ACACA: variants seen among roughly 807,000 people sequenced by gnomAD.
ACACA encodes acetyl-CoA carboxylase 1.
In ACACA, 103 loss-of-function variants were observed where a neutral mutation model predicts 296.1. The ratio of observed to expected loss-of-function variants is 0.35; its 90% CI spans 0.30 to 0.41. The LOEUF is 0.41. Among genes scored for constraint, ACACA ranks in the 10% least tolerant of loss-of-function variants. ACACA has a pLI of 1.00. For missense variants in ACACA, 1,554 were observed against 2,989.7 expected (o/e 0.52, Z 11.20); for synonymous variants, 953 against 1,038.6 (o/e 0.92, Z 1.58).
chr17:37,143,188 C>T (rs750470051), intron 45 of ACACA, among the ~76,000 whole-genome samples: 1 of 150,700 alleles, frequency 6.6e-6, no homozygotes, highest in Non-Finnish European at 1.5e-5. Flanking sequence ...TGGCTCTAGC[C>T]TCTCCATGCT....
intron 14 of ACACA, among the ~76,000 whole-genome samples, chr17:37,254,971 C>T (rs1407486562): frequency 6.6e-6 from 1 of 151,692 alleles, no homozygotes; most frequent in African/African-American, 2.4e-5. Context: ...CATGGTGGCA[C>T]GTGCCTGTAA....
chr17:37,400,190 G>C (rs987929156), intron 1 of ACACA, among the ~76,000 whole-genome samples: 7 of 152,058 alleles, frequency 4.6e-5, no homozygotes, highest in African/African-American at 1.7e-4. Flanking sequence ...TGCAATCTTG[G>C]CTCACTGCAA....
intron 1 of ACACA, among the ~76,000 whole-genome samples, chr17:37,405,832 G>A (rs539024571): frequency 4.0e-5 from 6 of 148,292 alleles, no homozygotes; most frequent in African/African-American, 1.0e-4. Flanking sequence ...AATTACAGGC[G>A]TGAGCCACCG....
chr17:37,253,009 C>G lies in ACACA; in HGVS notation c.1854G>C (p.Leu618=), dbSNP rs529041691. ...ISNMVVALKE[L]SIRGDFRTTV... is the part of the protein sequence containing the mutation. ...TAGTTCGAAAGTCACCCCGAATAGA[C>G]AGCTCCTTCAAAGCCACCACCATGT... is the stretch of plus-strand genomic sequence containing the variant. Residue 618 remains leucine, a synonymous_variant, in exon 15 of 56, where the codon CTG becomes CTC. Coordinates refer to ENST00000616317, the MANE Select transcript of ACACA (RefSeq NM_198834.3). 11 of 1,614,198 alleles carry G rather than the reference C, an allele frequency of 6.8e-6. No homozygotes were observed. In the South Asian group the frequency reaches 9.9e-5, roughly 14 times the overall value.
intron 1 of ACACA, among the ~76,000 whole-genome samples, chr17:37,348,483 T>C (rs573966204): frequency 6.6e-6 from 1 of 152,218 alleles, no homozygotes; most frequent in East Asian, 1.9e-4. Flanking sequence ...CTTTCAGACT[T>C]ATCAGAAATA....
rs1289503073 is a variant in ACACA, at chr17:37,161,873, C to T, written c.5257G>A (p.Val1753Ile). Residue 1753 changes from valine (V) to isoleucine (I), a missense_variant, in exon 42 of 56, where the codon GTA becomes ATA. Physicochemically the swap from Val to Ile is conservative, Grantham distance 29. Around this residue, in one of 16 missense-constraint regions of ACACA, gnomAD observed 553 missense variants for 1,043.6 expected, o/e 0.53. Coordinates refer to ENST00000616317, the MANE Select transcript of ACACA (RefSeq NM_198834.3). ...ATTCTTGCTCCACTGTTGGCTGATA[C>T]ATAGATGCGTGGAATACCTTCTGCC... is the stretch of plus-strand genomic sequence containing the variant. ...ARAEGIPRIY[V>I]SANSGARIGL... is the part of the protein sequence containing the mutation. The T allele has an allele frequency of 6.2e-7, 1 of 1,614,184 alleles. No homozygotes were observed. The highest frequency in any genetic ancestry group is 1.7e-5 in the Admixed American group (1 of 60,020).
chr17:37,213,018 G>A (rs1048492938), intron 29 of ACACA, among the ~76,000 whole-genome samples: 2 of 151,732 alleles, frequency 1.3e-5, no homozygotes, highest in South Asian at 2.1e-4. Context: ...TACTCATCAC[G>A]CAAAAATAGT....
At chr17:37,326,648 C>T (rs999537611) in intron 3 of ACACA, among the ~76,000 whole-genome samples, 1 of 151,314 alleles carries the variant, frequency 6.6e-6, no homozygotes, top group South Asian at 2.1e-4. Context: ...CTGGCCAACA[C>T]GGTGAAACCC....
chr17:37,252,523 A>C (rs964329457), intron 15 of ACACA, among the ~76,000 whole-genome samples: 2 of 152,230 alleles, frequency 1.3e-5, no homozygotes, highest in African/African-American at 4.8e-5. Context: ...GCATAGCCCC[A>C]GGAATTAAGG....
intron 3 of ACACA, among the ~76,000 whole-genome samples, chr17:37,319,681 T>A (rs770543627): frequency 6.6e-5 from 10 of 151,782 alleles, no homozygotes; most frequent in Non-Finnish European, 1.2e-4. Context: ...GGCCAGGCGC[T>A]GTGGCTCACG....
chr17:37,158,625 G>A (rs369139452), intron 42 of ACACA, among the ~76,000 whole-genome samples: 6 of 152,096 alleles, frequency 3.9e-5, no homozygotes, highest in African/African-American at 1.4e-4. Context: ...GTGAGACCCT[G>A]TCTCAAAAAA....
chr17:37,240,606 A>C (rs770520238), intron 23 of ACACA, 42 bp from the exon 24 acceptor site: 1 of 1,554,040 alleles, frequency 6.4e-7, no homozygotes, highest in Non-Finnish European at 8.8e-7. Context: ...CTGACAATCC[A>C]ACACTATTAA....
intron 41 of ACACA, among the ~76,000 whole-genome samples, chr17:37,173,129 T>C (rs573179993): frequency 6.6e-6 from 1 of 152,280 alleles, no homozygotes; most frequent in South Asian, 2.1e-4. Flanking sequence ...AAAAATCTAA[T>C]GTTAAATATT....
At chr17:37,141,390 C>G in intron 45 of ACACA, 1 of 328,354 alleles carries the variant, frequency 3.0e-6, no homozygotes, top group Non-Finnish European at 5.9e-6. Flanking sequence ...GCCAAAGGTT[C>G]CACGGTTCCC....
At position 37,252,090 on chromosome 17, in the gene ACACA, T is replaced by A. The variant is rs1567885966; in HGVS notation, c.1996A>T (p.Met666Leu). ...EKVQAERPDT[M>L]LGVVCGALHV... ...AGGGCACCACACACAACCCCCAACA[T>A]GGTGTCAGGTCGCTCAGCCTGAAAG... The change falls in exon 16 of 56, where the codon ATG becomes TTG. Residue 666 changes from methionine to leucine, a missense_variant. Around this residue, in one of 16 missense-constraint regions of ACACA, gnomAD observed 316 missense variants for 540.9 expected, o/e 0.58. Coordinates refer to ENST00000616317, the MANE Select transcript of ACACA (RefSeq NM_198834.3). The A allele has an allele frequency of 1.2e-6, 2 of 1,614,110 alleles. No homozygotes were observed. The highest frequency in any genetic ancestry group is 8.5e-7 in the Non-Finnish European group (1 of 1,180,018).
At chr17:37,106,978 C>T (rs139526009) in intron 52 of ACACA, among the ~76,000 whole-genome samples, 308 of 152,260 alleles carry the variant, frequency 2.0e-3, no homozygotes, top group East Asian at 6.7e-3. Flanking sequence ...TAAACTTCAC[C>T]GAGCCAAATA....
At chr17:37,223,064 C>T (rs2145676473) in intron 28 of ACACA, among the ~76,000 whole-genome samples, 1 of 152,296 alleles carries the variant, frequency 6.6e-6, no homozygotes, top group Middle Eastern at 3.4e-3. Flanking sequence ...TCATTAAATG[C>T]TATTACTTTC....
intron 1 of ACACA, among the ~76,000 whole-genome samples, chr17:37,348,076 G>A (rs1378068331): frequency 2.6e-5 from 4 of 151,842 alleles, no homozygotes; most frequent in African/African-American, 9.7e-5. Flanking sequence ...GGGAGGCTGA[G>A]GCAGCAGAAC....
At chr17:37,296,947 C>T (rs1002858071) in intron 3 of ACACA, among the ~76,000 whole-genome samples, 6 of 148,510 alleles carry the variant, frequency 4.0e-5, no homozygotes, top group African/African-American at 1.2e-4. Flanking sequence ...GAACTCCTGG[C>T]CTCAGGTGAT....
Sources: gnomAD v4.1 joint callset for allele counts (sites outside exome capture counted in the v4.1 genomes callset) on GRCh38, gnomAD v4.1.1 for gene constraint, gnomAD v4.1.1 regional missense constraint, MANE v1.5 for transcripts, NCBI Gene and HGNC (gene_info 2026-07-23, HGNC 2026-07-21) for gene names.